GPC5: variants seen among roughly 807,000 people sequenced by gnomAD.
GPC5 encodes the protein glypican-5.
In GPC5, 47 loss-of-function variants were observed where a neutral mutation model predicts 53.9. That is an observed-to-expected ratio of 0.87 (90% CI 0.69 to 1.11). The LOEUF (loss-of-function observed/expected upper bound fraction) is 1.11. Ranked by LOEUF, GPC5 falls within the 50% of genes most tolerant of loss-of-function variation. The pLI is 0.00. For synonymous variants in GPC5, 286 were observed against 263.3 expected, an observed-to-expected ratio of 1.09 and a Z score of -0.84; for missense variants, 748 against 713.1, an observed-to-expected ratio of 1.05 and a Z score of -0.56.
At chr13:92,539,951 A>G (rs1353067370) in intron 7 of GPC5, among the ~76,000 whole-genome samples, 1 of 152,014 alleles carries the variant, frequency 6.6e-6, no homozygotes, top group Non-Finnish European at 1.5e-5. Flanking sequence ...AATTGATGGT[A>G]AGATTCTTTT....
intron 7 of GPC5, among the ~76,000 whole-genome samples, chr13:92,562,894 C>T (rs899556262): frequency 1.7e-4 from 26 of 151,756 alleles, no homozygotes; most frequent in African/African-American, 2.2e-4. Flanking sequence ...AAGATTTTGC[C>T]GAATGGTAAA....
At chr13:92,702,773 A>T (rs1887794144) in intron 7 of GPC5, among the ~76,000 whole-genome samples, 1 of 152,102 alleles carries the variant, frequency 6.6e-6, no homozygotes, top group East Asian at 1.9e-4. Context: ...ATGGCTCTCC[A>T]TCTCATTCAG....
chr13:92,254,395 T>C (rs1451540471), intron 7 of GPC5, among the ~76,000 whole-genome samples: 4 of 152,154 alleles, frequency 2.6e-5, no homozygotes, highest in African/African-American at 9.6e-5. Flanking sequence ...TAATGAAGTT[T>C]GTATAGATTC....
chr13:92,554,420 C>T (rs1882424564), intron 7 of GPC5, among the ~76,000 whole-genome samples: 1 of 151,444 alleles, frequency 6.6e-6, no homozygotes, highest in Non-Finnish European at 1.5e-5. Context: ...AAGCCAACCA[C>T]ATCATACTTT....
At chr13:92,015,005 G>C (rs919457520) in intron 6 of GPC5, among the ~76,000 whole-genome samples, 2 of 152,018 alleles carry the variant, frequency 1.3e-5, no homozygotes, top group Admixed American at 1.3e-4. Context: ...TCACAGGGAG[G>C]TTCCTTATTC....
At chr13:92,068,687 TTGAGA>T (rs1382287275) in intron 6 of GPC5, among the ~76,000 whole-genome samples, 3 of 151,622 alleles carry the variant, frequency 2.0e-5, no homozygotes, top group Non-Finnish European at 4.4e-5. Context: ...TCTGTATCCA[TTGAGA>T]TAAGATTTTC....
intron 7 of GPC5, among the ~76,000 whole-genome samples, chr13:92,771,750 G>A (rs936931591): frequency 2.0e-5 from 3 of 151,924 alleles, no homozygotes; most frequent in African/African-American, 4.8e-5. Flanking sequence ...GTATTTCTTG[G>A]AGATCTCATC....
At chr13:92,157,729 G>A (rs2041955893) in intron 7 of GPC5, among the ~76,000 whole-genome samples, 1 of 152,136 alleles carries the variant, frequency 6.6e-6, no homozygotes, top group Non-Finnish European at 1.5e-5. Context: ...TTTGTTTAAT[G>A]ACCATTTTGT....
intron 2 of GPC5, among the ~76,000 whole-genome samples, chr13:91,544,430 CTGTGTT>C (rs2030156578): frequency 6.6e-6 from 1 of 152,050 alleles, no homozygotes; most frequent in Non-Finnish European, 1.5e-5. Context: ...TGCTGCGTGT[CTGTGTT>C]TGTGTACTGG....
intron 7 of GPC5, among the ~76,000 whole-genome samples, chr13:92,802,414 TTTG>T (rs1876940302): frequency 6.6e-6 from 1 of 151,840 alleles, no homozygotes; most frequent in African/African-American, 2.4e-5. Flanking sequence ...TATTTATTTA[TTTG>T]TTGTTTATAT....
intron 4 of GPC5, among the ~76,000 whole-genome samples, chr13:91,731,011 G>A (rs1309007956): frequency 1.3e-5 from 2 of 152,178 alleles, no homozygotes; most frequent in African/African-American, 4.8e-5. Context: ...TTTATTGTCA[G>A]CATTATGTCC....
chr13:91,502,963 CTT>C (rs1333125685), intron 2 of GPC5, among the ~76,000 whole-genome samples: 1 of 152,120 alleles, frequency 6.6e-6, no homozygotes, highest in Middle Eastern at 3.2e-3. Flanking sequence ...GTCTTAAACA[CTT>C]TTATTATTCA....
At chr13:92,729,958 ATTG>A (rs1888755382) in intron 7 of GPC5, among the ~76,000 whole-genome samples, 1 of 151,426 alleles carries the variant, frequency 6.6e-6, no homozygotes, top group Non-Finnish European at 1.5e-5. Flanking sequence ...TAGGATCTAC[ATTG>A]TTAAGTATGC....
intron 7 of GPC5, among the ~76,000 whole-genome samples, chr13:92,381,950 CTATGTATG>C (rs77694311): frequency 9.8e-6 from 1 of 102,354 alleles, no homozygotes; most frequent in African/African-American, 3.8e-5. Flanking sequence ...GAAATAATAT[CTATGTATG>C]TATGTATCTA....
intron 7 of GPC5, among the ~76,000 whole-genome samples, chr13:92,865,009 G>A (rs990549631): frequency 9.2e-5 from 14 of 152,156 alleles, no homozygotes; most frequent in African/African-American, 3.1e-4. Flanking sequence ...ATAGTGGCAT[G>A]CTATGAGATA....
At chr13:92,173,640 T>G (rs751816922) in intron 7 of GPC5, among the ~76,000 whole-genome samples, 1 of 152,340 alleles carries the variant, frequency 6.6e-6, no homozygotes, top group African/African-American at 2.4e-5. Context: ...TTTCTTTCAT[T>G]AAAATGCAAT....
intron 6 of GPC5, among the ~76,000 whole-genome samples, chr13:91,981,160 A>G (rs2040354080): frequency 6.6e-6 from 1 of 152,178 alleles, no homozygotes; most frequent in African/African-American, 2.4e-5. Context: ...AGATACTGCT[A>G]AACAGTTTTC....
chr13:92,826,281 C>T (rs1289152822), intron 7 of GPC5, among the ~76,000 whole-genome samples: 1 of 152,076 alleles, frequency 6.6e-6, no homozygotes, highest in Non-Finnish European at 1.5e-5. Flanking sequence ...GAATGCCCTC[C>T]AAAGAGGAAC....
chr13:92,064,360 A>T (rs2041148176), intron 6 of GPC5, among the ~76,000 whole-genome samples: 1 of 152,170 alleles, frequency 6.6e-6, no homozygotes, highest in Admixed American at 6.5e-5. Flanking sequence ...AGAGTTTCTG[A>T]TGTAATTGGT....
Sources: gnomAD v4.1 joint callset for allele counts (sites outside exome capture counted in the v4.1 genomes callset) on GRCh38, gnomAD v4.1.1 for gene constraint, MANE v1.5 for transcripts, NCBI Gene and HGNC (gene_info 2026-07-23, HGNC 2026-07-21) for gene names.